The following TRPC4 variants were observed in gnomAD, a reference collection of about 807,000 sequenced individuals.
TRPC4 encodes transient receptor potential cation channel subfamily C member 4, also known as short transient receptor potential channel 4.
TRPC4 carries 49 observed loss-of-function variants against 99.4 expected under a neutral mutation model. That is an observed-to-expected ratio of 0.49 (90% CI 0.39 to 0.63). The LOEUF (loss-of-function observed/expected upper bound fraction) is 0.63, where lower values mean the gene tolerates loss of function less well. Among genes scored for constraint, TRPC4 ranks in the 20% least tolerant of loss-of-function variants. The pLI is 0.00. For missense variants in TRPC4, 898 were observed against 1,152.9 expected (o/e 0.78, Z 3.20); for synonymous variants, 454 against 425.9 (o/e 1.07, Z -0.81).
At chr13:37,741,387 C>G (rs1418843645) in intron 3 of TRPC4, among the ~76,000 whole-genome samples, 1 of 152,168 alleles carries the variant, frequency 6.6e-6, no homozygotes, top group Non-Finnish European at 1.5e-5. Context: ...CAGTCGTCCT[C>G]GCCTTTATGT....
chr13:37,700,641 T>C (rs1044019616), intron 3 of TRPC4, among the ~76,000 whole-genome samples: 2 of 152,184 alleles, frequency 1.3e-5, no homozygotes, highest in Non-Finnish European at 2.9e-5. Context: ...TTAGAAAAAA[T>C]TAAATTGTTC....
At chr13:37,785,528 A>T (rs1956946945) in intron 1 of TRPC4, among the ~76,000 whole-genome samples, 1 of 152,064 alleles carries the variant, frequency 6.6e-6, no homozygotes, top group Admixed American at 6.6e-5. Context: ...TCCTACCAAT[A>T]ATATTTTTAG....
At chr13:37,746,518 T>C in intron 2 of TRPC4, 63 bp from the exon 3 acceptor site, 2 of 1,509,666 alleles carry the variant, frequency 1.3e-6, no homozygotes, top group Admixed American at 2.1e-5. Flanking sequence ...GTGAATTTCA[T>C]ACACCATGCT....
chr13:37,723,306 A>G (rs143823307), intron 3 of TRPC4, among the ~76,000 whole-genome samples: 1 of 152,320 alleles, frequency 6.6e-6, no homozygotes, highest in East Asian at 1.9e-4. Context: ...TTCATACTCT[A>G]TAAGGGTTGT....
At chr13:37,641,503 T>C (rs1951713730) in intron 8 of TRPC4, among the ~76,000 whole-genome samples, 1 of 152,206 alleles carries the variant, frequency 6.6e-6, no homozygotes, top group South Asian at 2.1e-4. Context: ...TGAGGTTAAC[T>C]GTCTTCTGAA....
At chr13:37,772,728 G>T (rs930735181) in intron 2 of TRPC4, among the ~76,000 whole-genome samples, 4 of 151,658 alleles carry the variant, frequency 2.6e-5, no homozygotes, top group African/African-American at 4.8e-5. Context: ...AAGGGTTCAC[G>T]TTATCTGCCA....
At chr13:37,764,986 T>C (rs1841760416) in intron 2 of TRPC4, among the ~76,000 whole-genome samples, 1 of 151,190 alleles carries the variant, frequency 6.6e-6, no homozygotes, top group Non-Finnish European at 1.5e-5. Context: ...TCTTCAGGCT[T>C]TGATGGTAAG....
At chr13:37,841,312 C>G (rs970019278) in intron 1 of TRPC4, among the ~76,000 whole-genome samples, 1 of 151,978 alleles carries the variant, frequency 6.6e-6, no homozygotes, top group Non-Finnish European at 1.5e-5. Flanking sequence ...AAGCAAAAAC[C>G]TGATTTTCTT....
rs183918445 is a variant in TRPC4 at position 37,653,883 on chromosome 13, T to C, written c.1884+1205A>G. 2.9e-3 allele frequency among the ~76,000 whole-genome samples: 436 copies of C among 152,204 alleles called. 1 individual carries two copies. Among genetic ancestry groups the C allele is most frequent in the African/African-American group, 9.9e-3 (413 of 41,526 alleles). On this transcript the variant is annotated intron_variant, in intron 7 of 10. Coordinates refer to ENST00000379705, the MANE Select transcript of TRPC4 (RefSeq NM_016179.4). ...GAAAACAGAACGCACATTTTGGAAA[T>C]ATGTTGATTAGGAGAATATAGAACT...
intron 1 of TRPC4, among the ~76,000 whole-genome samples, chr13:37,845,695 T>C (rs1958874238): frequency 6.6e-6 from 1 of 151,872 alleles, no homozygotes; most frequent in African/African-American, 2.4e-5. Context: ...AACTAACTTT[T>C]GCATAGTAGG....
At chr13:37,797,211 T>C (rs760093821) in intron 1 of TRPC4, among the ~76,000 whole-genome samples, 24 of 151,426 alleles carry the variant, frequency 1.6e-4, no homozygotes, top group Non-Finnish European at 3.4e-4. Flanking sequence ...AAAAATAAAA[T>C]AAAATAGACT....
In TRPC4 at chr13:37,865,879, G is replaced by A. The variant is rs185679527; in HGVS notation, c.-28+3716C>T. Among the ~76,000 whole-genome samples, 3 of 151,756 alleles carry A rather than the reference G, an allele frequency of 2.0e-5. No individual in the cohort carries two copies. In the East Asian group the frequency reaches 5.8e-4, roughly 29 times the overall value. On this transcript the variant is annotated intron_variant, in intron 1 of 10. Transcript: ENST00000379705. Reference sequence around the variant, plus strand: ...GTTGTTAAAATGTGATAATACTTCAGTTTCAAGGTAGATGTTAAGATAACA... The same window carrying A: ...GTTGTTAAAATGTGATAATACTTCAATTTCAAGGTAGATGTTAAGATAACA...
chr13:37,759,317 T>C (rs1956167895), intron 2 of TRPC4, among the ~76,000 whole-genome samples: 1 of 151,830 alleles, frequency 6.6e-6, no homozygotes, highest in African/African-American at 2.4e-5. Context: ...CAAAATTTTT[T>C]TTGTCTGCCC....
chr13:37,800,143 AC>A (rs1200488938), intron 1 of TRPC4, among the ~76,000 whole-genome samples: 2 of 152,206 alleles, frequency 1.3e-5, no homozygotes, highest in Admixed American at 6.5e-5. Flanking sequence ...ATGAATGTAA[AC>A]TGGCACATAT....
At chr13:37,794,758 T>G (rs2139403186) in intron 1 of TRPC4, among the ~76,000 whole-genome samples, 1 of 152,270 alleles carries the variant, frequency 6.6e-6, no homozygotes. Context: ...AACTTTTTAC[T>G]TAATTAAAAA....
chr13:37,802,234 T>A (rs1957424743), intron 1 of TRPC4, among the ~76,000 whole-genome samples: 1 of 152,086 alleles, frequency 6.6e-6, no homozygotes, highest in African/African-American at 2.4e-5. Flanking sequence ...TTTAAAAAAA[T>A]TAGGAAATTA....
intron 1 of TRPC4, among the ~76,000 whole-genome samples, chr13:37,863,072 C>A (rs186491159): frequency 6.6e-6 from 1 of 151,470 alleles, no homozygotes; most frequent in Admixed American, 6.6e-5. Context: ...ATAGGCTATT[C>A]CATATAGCCT....
At chr13:37,845,653 G>T (rs1358460045) in intron 1 of TRPC4, among the ~76,000 whole-genome samples, 1 of 149,934 alleles carries the variant, frequency 6.7e-6, no homozygotes, top group Non-Finnish European at 1.5e-5. Flanking sequence ...GAATGAAGAG[G>T]GTCTATAGGA....
At chr13:37,659,071 A>C (rs1952344110) in intron 6 of TRPC4, among the ~76,000 whole-genome samples, 1 of 152,202 alleles carries the variant, frequency 6.6e-6, no homozygotes, top group Non-Finnish European at 1.5e-5. Flanking sequence ...GGGGATTGAA[A>C]GATGAGACAA....
Sources: gnomAD v4.1 joint callset for allele counts (sites outside exome capture counted in the v4.1 genomes callset) on GRCh38, gnomAD v4.1.1 for gene constraint, MANE v1.5 for transcripts, NCBI Gene and HGNC (gene_info 2026-07-23, HGNC 2026-07-21) for gene names.